The following EGFR variants were observed in gnomAD, a reference collection of about 807,000 sequenced individuals.
EGFR encodes avian erythroblastic leukemia viral (v-erb-b) oncogene homolog.
EGFR carries 58 observed loss-of-function variants against 143.0 expected under a neutral mutation model. That is an observed-to-expected ratio of 0.41 (90% CI 0.33 to 0.50). The LOEUF is 0.50. EGFR is among the 20% of genes least tolerant of loss of function. The probability of loss-of-function intolerance (pLI) is 0.39; values close to 1 mark genes in which losing one functional copy is unlikely to be tolerated. For synonymous variants in EGFR, 613 were observed against 594.4 expected (o/e 1.03, Z -0.45); for missense variants, 1,307 against 1,579.0 (o/e 0.83, Z 2.92).
intron 1 of EGFR, among the ~76,000 whole-genome samples, chr7:55,023,626 G>A (rs538199664): frequency 9.9e-5 from 14 of 140,994 alleles, no homozygotes; most frequent in African/African-American, 2.2e-4. Context: ...ACTCCAGCCC[G>A]CGCGACAGTG....
At chr7:55,063,969 A>G (rs1240074673) in intron 1 of EGFR, among the ~76,000 whole-genome samples, 1 of 152,226 alleles carries the variant, frequency 6.6e-6, no homozygotes, top group Admixed American at 6.5e-5. Flanking sequence ...GGTGGTAAAA[A>G]TCTAATTAAA....
intron 13 of EGFR, among the ~76,000 whole-genome samples, chr7:55,163,163 C>T (rs1457420412): frequency 1.3e-5 from 2 of 152,234 alleles, no homozygotes; most frequent in Non-Finnish European, 2.9e-5. Flanking sequence ...GACTACTAGG[C>T]AGAGTCCAGT....
intron 19 of EGFR, among the ~76,000 whole-genome samples, chr7:55,176,924 AATATATATATATCTCTCTCTAAAT>A (rs1786622015): frequency 6.8e-6 from 1 of 146,546 alleles, no homozygotes; most frequent in Non-Finnish European, 1.5e-5. Flanking sequence ...TCTCTCTCTA[AATATATATATATCTCTCTCTAAAT>A]ATATATATAT....
rs1447041556 is a variant in EGFR at position 55,151,288 on chromosome 7, T to C, written c.560-6T>C. 6.2e-7 allele frequency: 1 copy of C among 1,614,144 alleles called. No homozygotes were observed. The highest frequency in any genetic ancestry group is 2.2e-5 in the East Asian group (1 of 44,886). On this transcript the variant is annotated splice_polypyrimidine_tract_variant and splice_region_variant and intron_variant, in intron 4 of 27. Transcript: ENST00000275493. The stretch of plus-strand genomic sequence containing the variant: ...GAGATATGCATCTATTACTTTTACA[T>C]TTCAGGCCAAAAGTGTGATCCAAGC...
At chr7:55,132,929 A>C (rs1055898288) in intron 1 of EGFR, among the ~76,000 whole-genome samples, 6 of 152,220 alleles carry the variant, frequency 3.9e-5, no homozygotes, top group Non-Finnish European at 7.3e-5. Context: ...CCAAAGGGTC[A>C]TCATGCAACC....
chr7:55,156,415 T>A, intron 8 of EGFR, 118 bp from the exon 9 acceptor site: 2 of 1,401,578 alleles, frequency 1.4e-6, no homozygotes, highest in Non-Finnish European at 2.0e-6. Context: ...TGAAGGATGA[T>A]GTGGCAGTGG....
intron 1 of EGFR, among the ~76,000 whole-genome samples, chr7:55,074,425 C>T (rs1356410938): frequency 1.3e-5 from 2 of 152,344 alleles, no homozygotes; most frequent in South Asian, 2.1e-4. Context: ...TGTGGGTTTA[C>T]AGCTGGCCCC....
intron 4 of EGFR, among the ~76,000 whole-genome samples, chr7:55,149,876 A>T (rs1055339247): frequency 1.3e-5 from 2 of 152,222 alleles, no homozygotes; most frequent in Non-Finnish European, 1.5e-5. Flanking sequence ...GCATGGAAAA[A>T]TTGCCATGTT....
At chr7:55,196,382 T>C (rs1787620625) in intron 22 of EGFR, among the ~76,000 whole-genome samples, 1 of 152,054 alleles carries the variant, frequency 6.6e-6, no homozygotes, top group African/African-American at 2.4e-5. Context: ...AATTTTTTCT[T>C]GTGAATTTAC....
At chr7:55,107,366 T>G (rs780439450) in intron 1 of EGFR, among the ~76,000 whole-genome samples, 3 of 152,240 alleles carry the variant, frequency 2.0e-5, no homozygotes, top group Non-Finnish European at 4.4e-5. Context: ...TTTTGTTATT[T>G]GATGTTATTT....
At chr7:55,126,342 G>A (rs1010370703) in intron 1 of EGFR, among the ~76,000 whole-genome samples, 2 of 152,228 alleles carry the variant, frequency 1.3e-5, no homozygotes, top group African/African-American at 4.8e-5. Context: ...GATGACAACA[G>A]CAACCACTTA....
intron 1 of EGFR, among the ~76,000 whole-genome samples, chr7:55,113,376 C>G (rs977175977): frequency 2.0e-5 from 3 of 152,166 alleles, no homozygotes; most frequent in African/African-American, 7.2e-5. Flanking sequence ...ATTCAAATCA[C>G]CTGGCACCCA....
Position 55,173,963 on chromosome 7 carries a change from G to C in EGFR, c.2104G>C (p.Ala702Pro). 6.2e-7 allele frequency: 1 copy of C among 1,614,264 alleles called. No individual in the cohort carries two copies. Among genetic ancestry groups the C allele is most frequent in the African/African-American group, 1.3e-5 (1 of 75,074 alleles). ...ACCCAGTGGAGAAGCTCCCAACCAA[G>C]CTCTCTTGAGGATCTTGAAGGAAAC... is the stretch of plus-strand genomic sequence containing the variant. ...LTPSGEAPNQ[A>P]LLRILKETEF... The change falls in exon 18 of 28, where the codon GCT becomes CCT. Residue 702 changes from alanine (A) to proline (P), a missense_variant. Transcript: ENST00000275493.
Position 55,207,336 on chromosome 7 carries a change from C to G in EGFR, c.*1719C>G, listed in dbSNP as rs1430457138. On this transcript the variant is annotated 3_prime_UTR_variant, in exon 28 of 28. Transcript: ENST00000275493. Reference sequence around the variant, plus strand: ...AAATAAAACTATATTCATTTCCACTCTATTATGCTCTCAAATACCCCTAAG... The same window carrying G: ...AAATAAAACTATATTCATTTCCACTGTATTATGCTCTCAAATACCCCTAAG... The G allele has an allele frequency of 4.3e-6, 1 of 230,146 alleles. No homozygotes were observed. Among genetic ancestry groups the G allele is most frequent in the Admixed American group, 5.6e-5 (1 of 17,700 alleles). The allele number at this position is 230,146 out of a possible 1,614,324, so 14.3% of individuals were successfully genotyped here.
intron 1 of EGFR, among the ~76,000 whole-genome samples, chr7:55,072,677 C>T (rs1022481428): frequency 2.0e-5 from 3 of 152,194 alleles, no homozygotes; most frequent in Non-Finnish European, 4.4e-5. Context: ...TTTATTACTG[C>T]TTGTCGTAGC....
chr7:55,036,533 GGTTC>G (rs1255891225), intron 1 of EGFR, among the ~76,000 whole-genome samples: 5 of 152,026 alleles, frequency 3.3e-5, no homozygotes, highest in Non-Finnish European at 7.4e-5. Context: ...AAATATATAT[GGTTC>G]ACCTGAATCC....
At chr7:55,136,573 A>T in intron 1 of EGFR, among the ~76,000 whole-genome samples, 1 of 150,902 alleles carries the variant, frequency 6.6e-6, no homozygotes, top group East Asian at 1.9e-4. Flanking sequence ...ATATGTGTAC[A>T]CACACACACA....
intron 1 of EGFR, among the ~76,000 whole-genome samples, chr7:55,059,613 CCCACCTGCT>C (rs1202370104): frequency 6.6e-6 from 1 of 152,014 alleles, no homozygotes; most frequent in Non-Finnish European, 1.5e-5. Context: ...CCCCTCCTTC[CCCACCTGCT>C]CACTCCTCCT....
intron 6 of EGFR, 147 bp from the exon 7 acceptor site, chr7:55,153,864 T>C: frequency 8.0e-7 from 1 of 1,253,866 alleles, no homozygotes; most frequent in Non-Finnish European, 1.1e-6. Flanking sequence ...GGGCGCCAGC[T>C]GGGTTTTCCC....
Sources: allele counts gnomAD v4.1 joint callset (sites outside exome capture counted in the v4.1 genomes callset), GRCh38; gene constraint gnomAD v4.1.1; transcripts MANE v1.5; gene names NCBI Gene and HGNC (gene_info 2026-07-23, HGNC 2026-07-21).